TBC1D4: variants seen among roughly 807,000 people sequenced by gnomAD.
The protein encoded by TBC1D4 is TBC1 domain family member 4.
TBC1D4 carries 121 observed loss-of-function variants against 142.5 expected under a neutral mutation model. The ratio of observed to expected loss-of-function variants is 0.85; its 90% CI spans 0.73 to 0.99. The LOEUF is 0.99. TBC1D4 is among the 50% of genes least tolerant of loss of function. The pLI is 0.00. For synonymous variants in TBC1D4, 630 were observed against 628.2 expected (o/e 1.00, Z -0.04); for missense variants, 1,475 against 1,606.6 (o/e 0.92, Z 1.40).
At chr13:75,464,183 G>A (rs1389441204) in intron 1 of TBC1D4, among the ~76,000 whole-genome samples, 2 of 152,144 alleles carry the variant, frequency 1.3e-5, no homozygotes, top group Admixed American at 6.5e-5. Flanking sequence ...CCTGGCTGTT[G>A]GGAACAGGCT....
chr13:75,462,162 C>CATT, intron 1 of TBC1D4, among the ~76,000 whole-genome samples: 1 of 152,208 alleles, frequency 6.6e-6, no homozygotes, highest in East Asian at 1.9e-4. Context: ...ATGCCATCAC[C>CATT]ATTATTATAT....
chr13:75,375,922 A>G (rs76551059), intron 1 of TBC1D4: 1 of 152,128 alleles, frequency 6.6e-6, no homozygotes, highest in South Asian at 2.1e-4. Context: ...GACTCTAGAT[A>G]GCCATTTACC....
At chr13:75,410,574 A>G (rs1312319170) in intron 1 of TBC1D4, among the ~76,000 whole-genome samples, 1 of 152,230 alleles carries the variant, frequency 6.6e-6, no homozygotes, top group Non-Finnish European at 1.5e-5. Flanking sequence ...TTATCAAGAA[A>G]TTAAACACCT....
intron 15 of TBC1D4, among the ~76,000 whole-genome samples, chr13:75,305,111 G>A (rs911382689): frequency 2.0e-5 from 3 of 152,080 alleles, no homozygotes; most frequent in African/African-American, 7.2e-5. Flanking sequence ...GAAATCTGAT[G>A]GCTTGTTAAG....
At position 75,481,502 on chromosome 13, in the gene TBC1D4, G is replaced by A; in HGVS notation, c.266C>T (p.Pro89Leu). Residue 89 changes from proline (P) to leucine (L), a missense_variant, in exon 1 of 21, where the codon CCC becomes CTC. By Grantham distance (98) the Pro-to-Leu change is moderately conservative. This residue lies in a region of TBC1D4 where 1,227 missense variants were observed against 1,267.7 expected (regional missense o/e 0.97). Coordinates refer to ENST00000377636, the MANE Select transcript of TBC1D4 (RefSeq NM_014832.5). Reference protein sequence around the residue: ...AREVILVLSAPFLRCVPAPGA... With the variant: ...AREVILVLSALFLRCVPAPGA... ...CGGCGCGGGGACGCAACGCAGGAAG[G>A]GCGCGCTGAGCACCAGGATCACCTC... 1 of 1,612,274 alleles carries A rather than the reference G, an allele frequency of 6.2e-7. No homozygotes were observed. Among genetic ancestry groups the A allele is most frequent in the Non-Finnish European group, 8.5e-7 (1 of 1,179,016 alleles).
intron 1 of TBC1D4, among the ~76,000 whole-genome samples, chr13:75,377,809 A>G (rs112599232): frequency 0.022 from 3,281 of 151,520 alleles, 128 homozygotes; most frequent in African/African-American, 0.075. Context: ...CTATCTACCT[A>G]TCTATCTACA....
At chr13:75,381,951 G>C (rs986554787) in intron 1 of TBC1D4, among the ~76,000 whole-genome samples, 1 of 152,182 alleles carries the variant, frequency 6.6e-6, no homozygotes, top group South Asian at 2.1e-4. Flanking sequence ...CAATATACTA[G>C]AGACACAACA....
chr13:75,371,631 C>T (rs2138213040), intron 1 of TBC1D4, among the ~76,000 whole-genome samples: 1 of 152,272 alleles, frequency 6.6e-6, no homozygotes, highest in South Asian at 2.1e-4. Context: ...GTGAAGACAT[C>T]TTTAGGATCC....
intron 15 of TBC1D4, among the ~76,000 whole-genome samples, chr13:75,303,982 TC>T (rs1484330716): frequency 6.6e-6 from 1 of 152,308 alleles, no homozygotes; most frequent in East Asian, 1.9e-4. Context: ...ATGTAATCAG[TC>T]CCTTTTCACA....
chr13:75,438,383 C>G (rs896638799), intron 1 of TBC1D4, among the ~76,000 whole-genome samples: 3 of 152,170 alleles, frequency 2.0e-5, no homozygotes, highest in Admixed American at 6.6e-5. Flanking sequence ...AAATACCCAC[C>G]TTAATAGCCC....
intron 1 of TBC1D4, among the ~76,000 whole-genome samples, chr13:75,447,500 ATGTGTGTG>A (rs35775136): frequency 1.2e-4 from 18 of 145,342 alleles, no homozygotes; most frequent in East Asian, 4.1e-4. Context: ...CATAGTGTGA[ATGTGTGTG>A]TGTGTGTGTG....
intron 8 of TBC1D4, 99 bp downstream of exon 8, chr13:75,336,822 T>C (rs1165426476): frequency 7.2e-7 from 1 of 1,380,418 alleles, no homozygotes; most frequent in African/African-American, 1.5e-5. Flanking sequence ...TTTTTGTTTG[T>C]TTTTTGTTTT....
intron 1 of TBC1D4, among the ~76,000 whole-genome samples, chr13:75,399,894 C>T (rs1884996042): frequency 6.6e-6 from 1 of 152,162 alleles, no homozygotes; most frequent in Non-Finnish European, 1.5e-5. Flanking sequence ...GGAAGTCAGA[C>T]TACCAGGAGA....
Position 75,450,002 on chromosome 13 carries a change from ATATTGTTT to A in TBC1D4, c.498+31260_498+31267del, listed in dbSNP as rs536891187. Among the ~76,000 whole-genome samples the A allele has an allele frequency of 3.5e-4, 53 of 152,330 alleles. 1 individual carries two copies. In the South Asian group the frequency reaches 0.011, roughly 32 times the overall value. ...AAATAAATGAACTCTGATACATTTT[ATATTGTTT>A]TGTGTGGATACACACAAATATGAAG... On this transcript the variant is annotated intron_variant, in intron 1 of 20. Transcript: ENST00000377636.
intron 5 of TBC1D4, among the ~76,000 whole-genome samples, chr13:75,347,830 GCCTA>G (rs1881275696): frequency 6.6e-6 from 1 of 152,068 alleles, no homozygotes; most frequent in Non-Finnish European, 1.5e-5. Flanking sequence ...AATTGTTTAA[GCCTA>G]TTACATTGAA....
chr13:75,374,924 T>C (rs918263409), intron 1 of TBC1D4, among the ~76,000 whole-genome samples: 1 of 152,158 alleles, frequency 6.6e-6, no homozygotes, highest in African/African-American at 2.4e-5. Context: ...TGCCAATCCT[T>C]GCACCCTCCC....
rs375499221 is a variant in TBC1D4, at chr13:75,349,208, G to C, written c.1370C>G (p.Pro457Arg). The change falls in exon 5 of 21, where the codon CCG becomes CGG. Residue 457 changes from proline (P) to arginine (R), a missense_variant. Pro to Arg is a moderately radical substitution (Grantham distance 103). Transcript: ENST00000377636. ...ACAGAGCTTATGCAAAGAGTGCATC[G>C]GGCAGGCCTCACACAGTTTAATCTG... Reference protein sequence around the residue: ...KTQIKLCEACPMHSLHKLCER... With the variant: ...KTQIKLCEACRMHSLHKLCER... 3.1e-6 allele frequency: 5 copies of C among 1,613,936 alleles called. No individual in the cohort carries two copies. The highest frequency in any genetic ancestry group is 3.4e-6 in the Non-Finnish European group (4 of 1,179,934).
At chr13:75,463,051 T>C (rs1317172750) in intron 1 of TBC1D4, among the ~76,000 whole-genome samples, 1 of 152,176 alleles carries the variant, frequency 6.6e-6, no homozygotes, top group Non-Finnish European at 1.5e-5. Context: ...TAAAGTGATA[T>C]TTTAACTGCT....
intron 1 of TBC1D4, among the ~76,000 whole-genome samples, chr13:75,363,774 T>C (rs1593794899): frequency 6.6e-6 from 1 of 152,216 alleles, no homozygotes; most frequent in East Asian, 1.9e-4. Context: ...TGTCTCAGAT[T>C]TTCTGGTTCA....
Sources: gnomAD v4.1 joint callset for allele counts (sites outside exome capture counted in the v4.1 genomes callset) on GRCh38, gnomAD v4.1.1 for gene constraint, gnomAD v4.1.1 regional missense constraint, MANE v1.5 for transcripts, NCBI Gene and HGNC (gene_info 2026-07-23, HGNC 2026-07-21) for gene names.